COPG2: variants seen among roughly 807,000 people sequenced by gnomAD.
The protein encoded by COPG2 is coat protein complex I subunit gamma 2.
Under a neutral mutation model 46.3 loss-of-function variants are expected in COPG2, and 37 were observed. The ratio of observed to expected loss-of-function variants is 0.80; its 90% CI spans 0.61 to 1.05. COPG2 has a LOEUF of 1.05. Among genes scored for constraint, COPG2 ranks in the 50% least tolerant of loss-of-function variants. The pLI is 0.00. For synonymous variants in COPG2, 159 were observed against 129.7 expected (o/e 1.23, Z -1.53); for missense variants, 427 against 387.8 (o/e 1.10, Z -0.85).
chr7:130,666,862 T>C lies in COPG2; in HGVS notation c.158A>G (p.Tyr53Cys). The change falls in exon 3 of 24, where the codon TAC becomes TGC. Residue 53 changes from tyrosine (Y) to cysteine (C), a missense_variant. Tyr to Cys is a radical substitution (Grantham distance 194). Transcript: ENST00000425248. ...RCLHILTKIL[Y>C]LLNQGEHFGT... is the part of the protein sequence containing the mutation. ...AAAATAATATACCTGGTTCAGTAAG[T>C]AAAGAATCTTTGTAAGAATATGCAA... The C allele has an allele frequency of 6.7e-7, 1 of 1,491,806 alleles. No homozygotes were observed. The highest frequency in any genetic ancestry group is 9.3e-7 in the Non-Finnish European group (1 of 1,077,928). 92.4% of individuals were successfully genotyped at this position (1,491,806 alleles called of 1,614,324 possible). A position where few individuals can be genotyped will look rare whatever the true frequency, so the allele number is the denominator to read the frequency against.
chr7:130,634,672 C>G (rs1014817481), intron 5 of COPG2, among the ~76,000 whole-genome samples: 1 of 151,922 alleles, frequency 6.6e-6, no homozygotes, highest in Non-Finnish European at 1.5e-5. Context: ...CAGAGACAAT[C>G]TGACTTCCTC....
chr7:130,592,822 A>G (rs537155348), intron 9 of COPG2, among the ~76,000 whole-genome samples: 1 of 152,336 alleles, frequency 6.6e-6, no homozygotes, highest in East Asian at 1.9e-4. Context: ...GGTTGTCAAA[A>G]TTGGGCTTAC....
At chr7:130,662,821 T>G in intron 4 of COPG2, 146 bp downstream of exon 4, 1 of 632,194 alleles carries the variant, frequency 1.6e-6, no homozygotes, top group Non-Finnish European at 2.8e-6. Context: ...TTTCACGTCT[T>G]ATAATGAATA....
intron 20 of COPG2, among the ~76,000 whole-genome samples, chr7:130,533,988 G>GA (rs1236840075): frequency 6.7e-6 from 1 of 150,080 alleles, no homozygotes; most frequent in Non-Finnish European, 1.5e-5. Flanking sequence ...GGGTGGGGTG[G>GA]GGGGGGTGGA....
intron 23 of COPG2, 75 bp downstream of exon 23, chr7:130,507,199 C>A: frequency 1.3e-6 from 1 of 764,790 alleles, no homozygotes. Flanking sequence ...AACAGCAAGG[C>A]ATAAGATGCC....
chr7:130,627,410 C>T (rs1414001450), intron 5 of COPG2, among the ~76,000 whole-genome samples: 1 of 152,160 alleles, frequency 6.6e-6, no homozygotes, highest in African/African-American at 2.4e-5. Context: ...TAGCTAACTG[C>T]AACCTTGGTG....
intron 20 of COPG2, among the ~76,000 whole-genome samples, chr7:130,530,688 G>A (rs1475986409): frequency 4.6e-5 from 7 of 152,084 alleles, no homozygotes; most frequent in African/African-American, 9.7e-5. Context: ...AAATGTGGAC[G>A]CAAGGGGAAA....
At chr7:130,639,883 A>T (rs1795428778) in intron 5 of COPG2, among the ~76,000 whole-genome samples, 1 of 152,146 alleles carries the variant, frequency 6.6e-6, no homozygotes, top group Non-Finnish European at 1.5e-5. Flanking sequence ...TGTACTATGC[A>T]AGTGGGCCCA....
intron 20 of COPG2, among the ~76,000 whole-genome samples, chr7:130,529,303 A>G (rs1799802534): frequency 6.6e-6 from 1 of 152,140 alleles, no homozygotes; most frequent in African/African-American, 2.4e-5. Context: ...CTGAAGATGA[A>G]GCTGAGGGTC....
intron 9 of COPG2, among the ~76,000 whole-genome samples, chr7:130,605,506 T>A (rs1185771598): frequency 6.6e-6 from 1 of 152,154 alleles, no homozygotes; most frequent in Non-Finnish European, 1.5e-5. Flanking sequence ...TCAGAGAGAT[T>A]CAAAGTGCAG....
At chr7:130,556,226 A>C (rs1258199861) in intron 12 of COPG2, among the ~76,000 whole-genome samples, 1 of 152,182 alleles carries the variant, frequency 6.6e-6, no homozygotes, top group Non-Finnish European at 1.5e-5. Context: ...AAACATGTTT[A>C]CTTTTTGCTC....
intron 21 of COPG2, 157 bp from the exon 22 acceptor site, chr7:130,507,980 A>G: frequency 1.7e-6 from 1 of 586,892 alleles, no homozygotes; most frequent in Non-Finnish European, 3.0e-6. Flanking sequence ...TGTAGCCCTT[A>G]GCAAAGGAAA....
chr7:130,636,990 T>C (rs1430487821), intron 5 of COPG2, among the ~76,000 whole-genome samples: 1 of 152,214 alleles, frequency 6.6e-6, no homozygotes, highest in African/African-American at 2.4e-5. Flanking sequence ...GAAGGTTAGT[T>C]TGTCTGGATA....
intron 9 of COPG2, among the ~76,000 whole-genome samples, chr7:130,577,654 G>A (rs533822651): frequency 1.0e-3 from 155 of 151,392 alleles, no homozygotes; most frequent in African/African-American, 3.5e-3. Context: ...CCAGCTACTC[G>A]GGAGGCTGAG....
intron 20 of COPG2, among the ~76,000 whole-genome samples, chr7:130,530,177 A>G (rs1039189166): frequency 1.3e-5 from 2 of 152,176 alleles, no homozygotes; most frequent in African/African-American, 4.8e-5. Flanking sequence ...ACATGGGTGT[A>G]GTGAGGGTAG....
At chr7:130,609,005 T>C (rs1384304466) in intron 9 of COPG2, among the ~76,000 whole-genome samples, 1 of 151,986 alleles carries the variant, frequency 6.6e-6, no homozygotes, top group African/African-American at 2.4e-5. Context: ...GCCTCCTGAG[T>C]AGCTGGGACC....
chr7:130,508,897 G>A, intron 20 of COPG2: 1 of 554,070 alleles, frequency 1.8e-6, no homozygotes, highest in Non-Finnish European at 3.3e-6. Flanking sequence ...TGATAACATG[G>A]GCAGACTGTT....
At position 130,617,016 on chromosome 7, in the gene COPG2, T is replaced by A. The variant is rs377590347; in HGVS notation, c.373A>T (p.Ile125Phe). 3 of 1,612,052 alleles carry A rather than the reference T, an allele frequency of 1.9e-6. No individual in the cohort carries two copies. The highest frequency in any genetic ancestry group is 2.5e-6 in the Non-Finnish European group (3 of 1,178,732). Residue 125 changes from isoleucine to phenylalanine, a missense_variant, in exon 6 of 24, where the codon ATC becomes TTC. Transcript: ENST00000425248. Reference protein sequence around the residue: ...GKEDVYRGPAIRALCRITDGT... With the variant: ...GKEDVYRGPAFRALCRITDGT... ...TCGGTGATCCTGCAGAGAGCTCTGATGGCCGGGCCTCGGTATACATCTTCT... is the reference window on the plus strand; with the variant it reads ...TCGGTGATCCTGCAGAGAGCTCTGAAGGCCGGGCCTCGGTATACATCTTCT...
chr7:130,547,753 G>A lies in COPG2; in HGVS notation c.2070C>T (p.Ile690=), dbSNP rs1376746869. ...PSDSYEVLSC[I]PAPSLPYNQP... The stretch of plus-strand genomic sequence containing the variant: ...GGTTATAAGGAAGGCTGGGGGCTGG[G>A]ATACAAGACAGCACTTCATAGGAAT... Residue 690 remains isoleucine (I), a synonymous_variant, in exon 20 of 24, where the codon ATC becomes ATT. Coordinates refer to ENST00000425248, the MANE Select transcript of COPG2 (RefSeq NM_012133.6). 2.5e-6 allele frequency: 1 copy of A among 398,618 alleles called. No individual in the cohort carries two copies. The highest frequency in any genetic ancestry group is 4.4e-6 in the Non-Finnish European group (1 of 226,172). The allele number at this position is 398,618 out of a possible 1,614,324, so 24.7% of individuals were successfully genotyped here.
Sources: gnomAD v4.1 joint callset for allele counts (sites outside exome capture counted in the v4.1 genomes callset) on GRCh38, gnomAD v4.1.1 for gene constraint, MANE v1.5 for transcripts, NCBI Gene and HGNC (gene_info 2026-07-23, HGNC 2026-07-21) for gene names.